HDAC9: variants seen among roughly 807,000 people sequenced by gnomAD.
The protein encoded by HDAC9 is MEF-2 interacting transcription repressor (MITR) protein.
In HDAC9, 41 loss-of-function variants were observed where a neutral mutation model predicts 139.4. That is an observed-to-expected ratio of 0.29 (90% CI 0.23 to 0.38). HDAC9 has a LOEUF of 0.38. Ranked by LOEUF, HDAC9 falls within the 10% of genes least tolerant of loss-of-function variation. The pLI, the probability that HDAC9 is intolerant of heterozygous loss-of-function variation, is 1.00. For missense variants in HDAC9, 1,147 were observed against 1,297.0 expected (o/e 0.88, Z 1.78); for synonymous variants, 517 against 476.2 (o/e 1.09, Z -1.12).
chr7:18,472,040 C>G (rs960963425), intron 1 of HDAC9, among the ~76,000 whole-genome samples: 4 of 152,208 alleles, frequency 2.6e-5, no homozygotes, highest in African/African-American at 9.6e-5. Flanking sequence ...GGCCTCTGGT[C>G]TGCTGTGAAC....
At chr7:18,214,174 T>G (rs1792134746) in intron 2 of HDAC9, among the ~76,000 whole-genome samples, 1 of 152,100 alleles carries the variant, frequency 6.6e-6, no homozygotes, top group African/African-American at 2.4e-5. Context: ...ATATAACATT[T>G]TTATATTAAT....
rs1480714963 is a variant in HDAC9 at position 19,001,337 on chromosome 7, G to A, written c.*5275G>A. The A allele has an allele frequency of 6.6e-6, 1 of 151,148 alleles. No homozygotes were observed. Among genetic ancestry groups the A allele is most frequent in the Non-Finnish European group, 1.5e-5 (1 of 67,750 alleles). 9.4% of individuals were successfully genotyped at this position (151,148 alleles called of 1,614,324 possible). A position where few individuals can be genotyped will look rare whatever the true frequency, so the allele number is the denominator to read the frequency against. ...CAAATTGGAATCGTTTTATTTTTTT[G>A]TTTGGGCCTTAGGCACAATAGAAGC... On this transcript the variant is annotated 3_prime_UTR_variant, in exon 26 of 26. Transcript: ENST00000686413.
chr7:18,613,151 TAC>T (rs1482416112), intron 6 of HDAC9, among the ~76,000 whole-genome samples: 1 of 150,032 alleles, frequency 6.7e-6, no homozygotes, highest in Non-Finnish European at 1.5e-5. Context: ...ATAGACTGAA[TAC>T]AGTCAGTCTA....
chr7:18,215,321 C>A (rs943157878), intron 2 of HDAC9, among the ~76,000 whole-genome samples: 1 of 152,078 alleles, frequency 6.6e-6, no homozygotes, highest in African/African-American at 2.4e-5. Context: ...AAGTCCCGGT[C>A]CTTTCTTTAT....
At chr7:18,761,093 AT>A (rs1173108935) in intron 14 of HDAC9, among the ~76,000 whole-genome samples, 1 of 152,192 alleles carries the variant, frequency 6.6e-6, no homozygotes, top group Non-Finnish European at 1.5e-5. Context: ...GGTTATATAT[AT>A]TTTTAAGTGA....
At chr7:18,260,302 C>CTTTTTTTTGTTT (rs1310585897) in intron 2 of HDAC9, among the ~76,000 whole-genome samples, 1 of 117,000 alleles carries the variant, frequency 8.5e-6, no homozygotes. Context: ...GTGACAGACA[C>CTTTTTTTTGTTT]TTTTTTTTGT....
At chr7:18,178,381 G>T (rs1056100451) in intron 2 of HDAC9, among the ~76,000 whole-genome samples, 2 of 152,140 alleles carry the variant, frequency 1.3e-5, no homozygotes, top group Non-Finnish European at 2.9e-5. Flanking sequence ...CACTGCACCC[G>T]GCCCCCCTCT....
intron 2 of HDAC9, among the ~76,000 whole-genome samples, chr7:18,541,500 T>C (rs1812948091): frequency 6.6e-6 from 1 of 152,026 alleles, no homozygotes; most frequent in Admixed American, 6.5e-5. Context: ...ATTCTTTCCT[T>C]AATTTTATGT....
chr7:18,645,997 G>A lies in HDAC9; in HGVS notation c.1035+1204G>A, dbSNP rs532670896. Among the ~76,000 whole-genome samples, 12 of 152,120 alleles carry A rather than the reference G, an allele frequency of 7.9e-5. No homozygotes were observed. In the East Asian group the frequency reaches 2.1e-3, roughly 27 times the overall value. ...TTATATCTGGGGATTATAAAAGAAA[G>A]CATTGAAAATACAGAATTCAGCTAT... On this transcript the variant is annotated intron_variant, in intron 9 of 25. Transcript: ENST00000686413.
At chr7:18,887,437 A>G (rs915825334) in intron 22 of HDAC9, among the ~76,000 whole-genome samples, 2 of 152,192 alleles carry the variant, frequency 1.3e-5, no homozygotes, top group Non-Finnish European at 2.9e-5. Flanking sequence ...GCTACCAACT[A>G]ACTTCTTTTT....
intron 2 of HDAC9, among the ~76,000 whole-genome samples, chr7:18,570,804 G>C (rs953985191): frequency 6.6e-6 from 1 of 152,170 alleles, no homozygotes; most frequent in African/African-American, 2.4e-5. Flanking sequence ...CATTCAGAAC[G>C]ATGTTTGTTA....
chr7:18,268,678 T>C (rs1232983192), intron 2 of HDAC9, among the ~76,000 whole-genome samples: 3 of 152,208 alleles, frequency 2.0e-5, no homozygotes, highest in Admixed American at 6.5e-5. Context: ...ATTACACTGA[T>C]TAAAGGCAGT....
intron 2 of HDAC9, among the ~76,000 whole-genome samples, chr7:18,261,673 T>A (rs1795689237): frequency 1.3e-5 from 2 of 152,242 alleles, no homozygotes; most frequent in South Asian, 4.1e-4. Context: ...ATTAGGATAG[T>A]TAGGGTTTCA....
intron 2 of HDAC9, among the ~76,000 whole-genome samples, chr7:18,509,041 A>G (rs1474734195): frequency 1.3e-5 from 2 of 152,240 alleles, no homozygotes; most frequent in Non-Finnish European, 2.9e-5. Flanking sequence ...AAGGTGACAC[A>G]TCTATTTTTT....
At chr7:18,864,517 C>G (rs1274659834) in intron 21 of HDAC9, among the ~76,000 whole-genome samples, 1 of 151,660 alleles carries the variant, frequency 6.6e-6, no homozygotes, top group Non-Finnish European at 1.5e-5. Context: ...TTCTAGAGAT[C>G]TGCTGTTTAA....
intron 1 of HDAC9, among the ~76,000 whole-genome samples, chr7:18,358,407 A>C (rs1421617317): frequency 6.6e-6 from 1 of 152,226 alleles, no homozygotes; most frequent in Admixed American, 6.5e-5. Flanking sequence ...AGGTGTGGCT[A>C]TGTTGAGACA....
At chr7:18,193,045 G>A (rs1314154900) in intron 2 of HDAC9, among the ~76,000 whole-genome samples, 2 of 152,042 alleles carry the variant, frequency 1.3e-5, no homozygotes, top group Admixed American at 6.6e-5. Flanking sequence ...AATTACCTAT[G>A]CATCTTTTAC....
chr7:18,527,578 T>C (rs1429682776), intron 2 of HDAC9, among the ~76,000 whole-genome samples: 1 of 152,152 alleles, frequency 6.6e-6, no homozygotes, highest in East Asian at 1.9e-4. Context: ...AATACAAAAG[T>C]CATTCTAAGA....
At chr7:18,776,126 A>G (rs769197010) in intron 16 of HDAC9, among the ~76,000 whole-genome samples, 26 of 152,082 alleles carry the variant, frequency 1.7e-4, no homozygotes, top group Admixed American at 2.0e-4. Context: ...TTTATTTTGT[A>G]GAGATGTGGT....
Sources: allele counts gnomAD v4.1 joint callset (sites outside exome capture counted in the v4.1 genomes callset), GRCh38; gene constraint gnomAD v4.1.1; transcripts MANE v1.5; gene names NCBI Gene and HGNC (gene_info 2026-07-23, HGNC 2026-07-21).